KHDRBS3: variants seen among roughly 807,000 people sequenced by gnomAD.
The protein encoded by KHDRBS3 is KH RNA binding domain containing, signal transduction associated 3.
Under a neutral mutation model 45.6 loss-of-function variants are expected in KHDRBS3, and 23 were observed. The ratio of observed to expected loss-of-function variants is 0.50; its 90% CI spans 0.36 to 0.72. The LOEUF is 0.72. KHDRBS3 is among the 30% of genes least tolerant of loss of function. The pLI, the probability that KHDRBS3 is intolerant of heterozygous loss-of-function variation, is 0.00. For synonymous variants in KHDRBS3, 162 were observed against 156.5 expected, an observed-to-expected ratio of 1.04 and a Z score of -0.26; for missense variants, 352 against 424.8, an observed-to-expected ratio of 0.83 and a Z score of 1.51.
At chr8:135,507,635 A>G (rs1824073444) in intron 1 of KHDRBS3, among the ~76,000 whole-genome samples, 3 of 152,132 alleles carry the variant, frequency 2.0e-5, no homozygotes, top group Admixed American at 2.0e-4. Flanking sequence ...CTTAAAGGAA[A>G]CCCCCAGTGG....
intron 2 of KHDRBS3, chr8:135,541,380 G>A (rs1438568897): frequency 1.3e-5 from 2 of 152,126 alleles, no homozygotes; most frequent in Non-Finnish European, 2.9e-5. Context: ...AACTCTGCAA[G>A]TATAACTTTT....
intron 7 of KHDRBS3, among the ~76,000 whole-genome samples, chr8:135,629,548 G>A (rs1830509138): frequency 6.6e-6 from 1 of 152,158 alleles, no homozygotes; most frequent in African/African-American, 2.4e-5. Context: ...TGGAAGAAGA[G>A]GATTCAAAAC....
chr8:135,515,302 C>T (rs1370404147), intron 1 of KHDRBS3, among the ~76,000 whole-genome samples: 1 of 134,308 alleles, frequency 7.4e-6, no homozygotes, highest in East Asian at 2.2e-4. Context: ...GGAGGCGGAG[C>T]TTGCAGTGAG....
At chr8:135,606,312 A>G (rs769805087) in intron 6 of KHDRBS3, among the ~76,000 whole-genome samples, 4 of 151,860 alleles carry the variant, frequency 2.6e-5, no homozygotes, top group Non-Finnish European at 2.9e-5. Flanking sequence ...TGGACACCTC[A>G]TTCCCCACTT....
intron 1 of KHDRBS3, among the ~76,000 whole-genome samples, chr8:135,492,903 T>C (rs957274193): frequency 6.6e-6 from 1 of 152,312 alleles, no homozygotes; most frequent in East Asian, 1.9e-4. Flanking sequence ...TATAAATCAG[T>C]TTTGGAAGAA....
intron 1 of KHDRBS3, among the ~76,000 whole-genome samples, chr8:135,486,791 A>G (rs910689085): frequency 1.3e-5 from 2 of 152,218 alleles, no homozygotes; most frequent in Admixed American, 6.5e-5. Flanking sequence ...GACATGCTTA[A>G]TTGTGACAGA....
At chr8:135,522,125 C>T (rs1377570184) in intron 2 of KHDRBS3, among the ~76,000 whole-genome samples, 2 of 152,084 alleles carry the variant, frequency 1.3e-5, no homozygotes, top group Non-Finnish European at 2.9e-5. Context: ...ACAGGCCCCA[C>T]TGTGTGTTGT....
chr8:135,560,976 C>T (rs1827140067), intron 5 of KHDRBS3, among the ~76,000 whole-genome samples: 3 of 152,160 alleles, frequency 2.0e-5, no homozygotes, highest in African/African-American at 7.2e-5. Flanking sequence ...CTTCCTTGGT[C>T]CCAAGTCCTT....
At chr8:135,518,008 A>G (rs969362752) in intron 1 of KHDRBS3, among the ~76,000 whole-genome samples, 6 of 152,240 alleles carry the variant, frequency 3.9e-5, no homozygotes, top group Non-Finnish European at 7.3e-5. Context: ...GTGATAAAAT[A>G]CTTAATTCCT....
Position 135,521,366 on chromosome 8 carries a change from G to A in KHDRBS3, c.207+11G>A, listed in dbSNP as rs759240525. On this transcript the variant is annotated intron_variant, in intron 2 of 8. Transcript: ENST00000355849. Reference sequence around the variant, plus strand: ...AAACAGTTCCCTAAGGTAAGACAGTGAGGTCTACACTGCAGGTATTTTAAC... The same window carrying A: ...AAACAGTTCCCTAAGGTAAGACAGTAAGGTCTACACTGCAGGTATTTTAAC... 4 of 1,432,620 alleles carry A rather than the reference G, an allele frequency of 2.8e-6. No homozygotes were observed. Among genetic ancestry groups the A allele is most frequent in the Non-Finnish European group, 3.9e-6 (4 of 1,015,052 alleles). The allele number at this position is 1,432,620 out of a possible 1,614,324, so 88.7% of individuals were successfully genotyped here. A position where few individuals can be genotyped will look rare whatever the true frequency, so the allele number is the denominator to read the frequency against.
At chr8:135,598,466 T>G (rs1184119648) in intron 6 of KHDRBS3, among the ~76,000 whole-genome samples, 1 of 152,188 alleles carries the variant, frequency 6.6e-6, no homozygotes, top group Non-Finnish European at 1.5e-5. Flanking sequence ...AGCTGGAATT[T>G]GAACATAGTC....
intron 1 of KHDRBS3, among the ~76,000 whole-genome samples, chr8:135,481,223 G>GATATATATATATATATATATATATATAT (rs10529846): frequency 2.3e-4 from 18 of 77,376 alleles, no homozygotes; most frequent in African/African-American, 8.3e-4. Context: ...TGAAAGCCAC[G>GATATATATATATATATATATATATATAT]ATATATATAT....
At chr8:135,531,510 C>T (rs891468310) in intron 2 of KHDRBS3, among the ~76,000 whole-genome samples, 2 of 151,788 alleles carry the variant, frequency 1.3e-5, no homozygotes, top group Non-Finnish European at 2.9e-5. Flanking sequence ...TATTGAGAAA[C>T]GATTATATAC....
intron 1 of KHDRBS3, among the ~76,000 whole-genome samples, chr8:135,511,029 A>G (rs1824256370): frequency 6.6e-6 from 1 of 152,238 alleles, no homozygotes; most frequent in Admixed American, 6.5e-5. Context: ...TTCTTTTGAT[A>G]CTTGTAATAA....
intron 2 of KHDRBS3, chr8:135,538,992 G>A (rs1418876021): frequency 1.3e-5 from 2 of 152,160 alleles, no homozygotes; most frequent in Non-Finnish European, 2.9e-5. Context: ...ATGCATGGAG[G>A]AATTGAACTT....
At chr8:135,486,976 T>C (rs1300086351) in intron 1 of KHDRBS3, among the ~76,000 whole-genome samples, 1 of 152,218 alleles carries the variant, frequency 6.6e-6, no homozygotes, top group Non-Finnish European at 1.5e-5. Flanking sequence ...TATTTTTCTC[T>C]CCTATCAGGT....
intron 3 of KHDRBS3, among the ~76,000 whole-genome samples, chr8:135,546,347 A>G (rs1267373883): frequency 6.6e-6 from 1 of 152,150 alleles, no homozygotes; most frequent in Non-Finnish European, 1.5e-5. Context: ...TTAGATTTTC[A>G]AAGTGTTCAC....
chr8:135,595,198 G>T (rs1244078362), intron 6 of KHDRBS3, among the ~76,000 whole-genome samples: 1 of 152,112 alleles, frequency 6.6e-6, no homozygotes. Context: ...TACTTTTGGG[G>T]CAAGACGGTG....
At chr8:135,567,642 A>G (rs1286763782) in intron 5 of KHDRBS3, among the ~76,000 whole-genome samples, 1 of 152,114 alleles carries the variant, frequency 6.6e-6, no homozygotes, top group Admixed American at 6.5e-5. Context: ...GTGCTCAATA[A>G]CTATTCACTG....
Sources: gnomAD v4.1 joint callset for allele counts (sites outside exome capture counted in the v4.1 genomes callset) on GRCh38, gnomAD v4.1.1 for gene constraint, MANE v1.5 for transcripts, NCBI Gene and HGNC (gene_info 2026-07-23, HGNC 2026-07-21) for gene names.